ZSWIM5: variants seen among roughly 807,000 people sequenced by gnomAD.
ZSWIM5 encodes zinc finger SWIM-type containing 5, also known as zinc finger SWIM domain-containing protein 5.
ZSWIM5 carries 55 observed loss-of-function variants against 119.6 expected under a neutral mutation model. That is an observed-to-expected ratio of 0.46 (90% confidence interval 0.37 to 0.58). The LOEUF is 0.58. Among genes scored for constraint, ZSWIM5 ranks in the 20% least tolerant of loss-of-function variants. ZSWIM5 has a pLI of 0.00. For missense variants in ZSWIM5, 1,193 were observed against 1,512.8 expected (o/e 0.79, Z 3.51); for synonymous variants, 537 against 606.9 (o/e 0.88, Z 1.69).
chr1:45,172,074 G>A lies in ZSWIM5; in HGVS notation c.595+33682C>T, dbSNP rs564484816. ...CAAATTCACCGTCCAAAATGCAGAGGAAAATCTAATAATATTGTAAGAATG... is the reference window on the plus strand; with the variant it reads ...CAAATTCACCGTCCAAAATGCAGAGAAAAATCTAATAATATTGTAAGAATG... On this transcript the variant is annotated intron_variant, in intron 1 of 13. Transcript: ENST00000359600. 5.9e-5 allele frequency among the ~76,000 whole-genome samples: 9 copies of A among 151,960 alleles called. No homozygotes were observed. The South Asian group carries it at 1.9e-3, about 32-fold the overall frequency.
At chr1:45,033,529 A>G (rs1011049979) in intron 11 of ZSWIM5, among the ~76,000 whole-genome samples, 2 of 152,124 alleles carry the variant, frequency 1.3e-5, no homozygotes, top group Non-Finnish European at 2.9e-5. Flanking sequence ...AAACCTGCAT[A>G]GCTAACAGGA....
chr1:45,109,090 T>G (rs781725678), intron 1 of ZSWIM5, among the ~76,000 whole-genome samples: 9 of 152,234 alleles, frequency 5.9e-5, no homozygotes, highest in Non-Finnish European at 1.3e-4. Flanking sequence ...CAACTTGACC[T>G]GTATGGGGCA....
At chr1:45,144,540 C>T (rs1645749841) in intron 1 of ZSWIM5, among the ~76,000 whole-genome samples, 1 of 151,934 alleles carries the variant, frequency 6.6e-6, no homozygotes, top group Non-Finnish European at 1.5e-5. Flanking sequence ...TGTCTCCACA[C>T]AAATATGGCC....
chr1:45,049,686 C>T (rs1306263632), intron 5 of ZSWIM5, among the ~76,000 whole-genome samples: 1 of 152,062 alleles, frequency 6.6e-6, no homozygotes, highest in Non-Finnish European at 1.5e-5. Context: ...TGGTGGCCCA[C>T]GCCTGTAGTC....
chr1:45,081,854 A>G (rs1198046704), intron 2 of ZSWIM5, among the ~76,000 whole-genome samples: 2 of 152,306 alleles, frequency 1.3e-5, no homozygotes, highest in East Asian at 3.9e-4. Context: ...AGAACGGGCC[A>G]GGATGACAAT....
At chr1:45,107,342 A>T (rs1449204658) in intron 1 of ZSWIM5, among the ~76,000 whole-genome samples, 1 of 152,190 alleles carries the variant, frequency 6.6e-6, no homozygotes, top group Non-Finnish European at 1.5e-5. Flanking sequence ...CAATTACTTT[A>T]AAAATAGTGA....
In ZSWIM5 at chr1:45,172,995, C is replaced by T. The variant is rs538489349; in HGVS notation, c.595+32761G>A. Among the ~76,000 whole-genome samples, 14 of 151,986 alleles carry T rather than the reference C, an allele frequency of 9.2e-5. No homozygotes were observed. In the South Asian group the frequency reaches 2.3e-3, roughly 25 times the overall value. On this transcript the variant is annotated intron_variant, in intron 1 of 13. Transcript: ENST00000359600. ...CCTGGGAAACACAGTGAGACCCAGT[C>T]TCTACAAAAAATAAAAAAAATTAGC...
Position 45,017,930 on chromosome 1 carries a change from A to G in ZSWIM5, c.*524T>C. 1 of 163,000 alleles carries G rather than the reference A, an allele frequency of 6.1e-6. No homozygotes were observed. Among genetic ancestry groups the G allele is most frequent in the East Asian group, 1.7e-4 (1 of 5,814 alleles). The allele number at this position is 163,000 out of a possible 1,614,324, so 10.1% of individuals were successfully genotyped here. A position where few individuals can be genotyped will look rare whatever the true frequency, so the allele number is the denominator to read the frequency against. On this transcript the variant is annotated 3_prime_UTR_variant, in exon 14 of 14. Coordinates refer to ENST00000359600, the MANE Select transcript of ZSWIM5 (RefSeq NM_020883.2). ...CACTCTTCCACTGCTACCAGCAAAC[A>G]CTCTGCAAGGGAAACCTGAGAAATG... is the stretch of plus-strand genomic sequence containing the variant.
At chr1:45,205,527 T>A (rs971017761) in intron 1 of ZSWIM5, among the ~76,000 whole-genome samples, 13 of 152,178 alleles carry the variant, frequency 8.5e-5, no homozygotes, top group Non-Finnish European at 1.8e-4. Context: ...AGAAGAGAGA[T>A]CTATTCACTC....
At chr1:45,052,792 T>C (rs1451708889) in intron 4 of ZSWIM5, among the ~76,000 whole-genome samples, 1 of 151,970 alleles carries the variant, frequency 6.6e-6, no homozygotes, top group African/African-American at 2.4e-5. Context: ...ATTTCTATTT[T>C]TTCAATTCAA....
chr1:45,124,785 A>T (rs1307353373), intron 1 of ZSWIM5, among the ~76,000 whole-genome samples: 1 of 152,206 alleles, frequency 6.6e-6, no homozygotes, highest in Non-Finnish European at 1.5e-5. Context: ...TCATGAAAAC[A>T]TTAATCAAAA....
intron 1 of ZSWIM5, among the ~76,000 whole-genome samples, chr1:45,107,827 T>C (rs1369308624): frequency 3.3e-5 from 5 of 152,104 alleles, no homozygotes; most frequent in Non-Finnish European, 4.4e-5. Flanking sequence ...GGTCTTGCTA[T>C]GTCACCTACG....
At chr1:45,102,229 A>C (rs1645443793) in intron 1 of ZSWIM5, among the ~76,000 whole-genome samples, 1 of 152,186 alleles carries the variant, frequency 6.6e-6, no homozygotes, top group Admixed American at 6.5e-5. Context: ...GACTTGCTTC[A>C]TACCACTCTC....
intron 11 of ZSWIM5, among the ~76,000 whole-genome samples, chr1:45,030,641 CTGTT>C (rs1440467986): frequency 6.6e-6 from 1 of 152,154 alleles, no homozygotes; most frequent in East Asian, 1.9e-4. Flanking sequence ...TGGCATAAAG[CTGTT>C]TGTAATATTC....
chr1:45,031,797 G>C (rs958720415), intron 11 of ZSWIM5, among the ~76,000 whole-genome samples: 1 of 139,220 alleles, frequency 7.2e-6, no homozygotes, highest in Admixed American at 7.9e-5. Flanking sequence ...CGGAGATCAC[G>C]CCACTGCATT....
In ZSWIM5 at chr1:45,050,957, T is replaced by G. The variant is rs1645084995; in HGVS notation, c.1432+117A>C. Reference sequence around the variant, plus strand: ...GATGAATAAAAACACAGGCTTTTCTTATTTAGAATGGCAATTCTGACAGCT... The same window carrying G: ...GATGAATAAAAACACAGGCTTTTCTGATTTAGAATGGCAATTCTGACAGCT... On this transcript the variant is annotated intron_variant, in intron 5 of 13. Transcript: ENST00000359600. 3.0e-6 allele frequency: 3 copies of G among 1,010,382 alleles called. No homozygotes were observed. In the East Asian group the frequency reaches 7.9e-5, roughly 26 times the overall value. The allele number at this position is 1,010,382 out of a possible 1,614,324, so 62.6% of individuals were successfully genotyped here.
At chr1:45,047,130 C>A (rs116804145) in intron 5 of ZSWIM5, among the ~76,000 whole-genome samples, 74 of 151,372 alleles carry the variant, frequency 4.9e-4, no homozygotes, top group African/African-American at 1.7e-3. Flanking sequence ...TTCGAAGGAA[C>A]GGTCAATGAA....
chr1:45,071,431 T>G (rs1171844489), intron 2 of ZSWIM5, among the ~76,000 whole-genome samples: 1 of 151,330 alleles, frequency 6.6e-6, no homozygotes, highest in Admixed American at 6.6e-5. Flanking sequence ...ATTCCATCCA[T>G]GTTGTTGCAA....
intron 1 of ZSWIM5, among the ~76,000 whole-genome samples, chr1:45,106,441 G>C (rs374385494): frequency 6.9e-6 from 1 of 144,072 alleles, no homozygotes; most frequent in African/African-American, 2.6e-5. Flanking sequence ...TATGAGGAGC[G>C]CCTCTGCCCG....
Sources: allele counts gnomAD v4.1 joint callset (sites outside exome capture counted in the v4.1 genomes callset), GRCh38; gene constraint gnomAD v4.1.1; transcripts MANE v1.5; gene names NCBI Gene and HGNC (gene_info 2026-07-23, HGNC 2026-07-21).